The following PCDHGB4 variants were observed in gnomAD, a reference collection of about 807,000 sequenced individuals.
The protein encoded by PCDHGB4 is protocadherin gamma subfamily B, 4.
Under a neutral mutation model 60.5 loss-of-function variants are expected in PCDHGB4, and 38 were observed. The observed-to-expected ratio is 0.63, with a 90% CI of 0.48 to 0.82. PCDHGB4 has a LOEUF of 0.82. Among genes scored for constraint, PCDHGB4 ranks in the 40% least tolerant of loss-of-function variants. The probability of loss-of-function intolerance (pLI) is 0.00; values close to 1 mark genes in which losing one functional copy is unlikely to be tolerated. For missense variants in PCDHGB4, 1,109 were observed against 1,209.6 expected (o/e 0.92, Z 1.23); for synonymous variants, 456 against 509.7 (o/e 0.89, Z 1.42).
At chr5:141,418,583 T>A (rs1242446631) in intron 1 of PCDHGB4, 1 of 1,613,862 alleles carries the variant, frequency 6.2e-7, no homozygotes, top group Non-Finnish European at 8.5e-7. Flanking sequence ...CCCCCCAGTG[T>A]TCAGCCAGGA....
Position 141,491,383 on chromosome 5 carries a change from A to C in PCDHGB4, c.2398-3424A>C. The C allele has an allele frequency of 6.2e-7, 1 of 1,614,036 alleles. No individual in the cohort carries two copies. The highest frequency in any genetic ancestry group is 8.5e-7 in the Non-Finnish European group (1 of 1,179,962). ...AGTCACCTTCACCTTTCTGTCAGCG[A>C]AGTGCCTTCAGGGAAACGCAGACGG... On this transcript the variant is annotated intron_variant, in intron 1 of 3. Transcript: ENST00000519479. This position sits in a 1 kb window ranked among gnomAD's most constrained non-coding sequence, Gnocchi z 6.9.
chr5:141,428,169 G>A (rs758370904), intron 1 of PCDHGB4: 1 of 1,540,076 alleles, frequency 6.5e-7, no homozygotes, highest in Non-Finnish European at 8.9e-7. Flanking sequence ...GTTGCTGTGC[G>A]TGACGGAGGA....
At position 141,432,247 on chromosome 5, in the gene PCDHGB4, C is replaced by G. The variant is rs139910620; in HGVS notation, c.2397+41966C>G. 61 of 1,614,264 alleles carry G rather than the reference C, an allele frequency of 3.8e-5. No homozygotes were observed. The African/African-American group carries it at 6.3e-4, about 17-fold the overall frequency. On this transcript the variant is annotated intron_variant, in intron 1 of 3. Transcript: ENST00000519479. The surrounding 1 kb of genome is among the most constrained non-coding windows in gnomAD (Gnocchi z 6.0). ...CTTATTCCCTGGCTGAGAACACCAT[C>G]CAAGGGGCAAGCCTATCGTCCTACG...
At chr5:141,470,469 A>T (rs1423801455) in intron 1 of PCDHGB4, among the ~76,000 whole-genome samples, 1 of 152,194 alleles carries the variant, frequency 6.6e-6, no homozygotes, top group Non-Finnish European at 1.5e-5. Context: ...ATTTTCTGAT[A>T]TTACTAACCC....
chr5:141,395,111 T>A, intron 1 of PCDHGB4: 1 of 1,613,670 alleles, frequency 6.2e-7, no homozygotes, highest in Non-Finnish European at 8.5e-7. Flanking sequence ...CGCGGAAGAG[T>A]CACCTGATCT....
chr5:141,480,102 T>C (rs568342271), intron 1 of PCDHGB4, among the ~76,000 whole-genome samples: 1 of 152,320 alleles, frequency 6.6e-6, no homozygotes, highest in South Asian at 2.1e-4. Flanking sequence ...GCAAAGTGTT[T>C]AGCATGGTGC....
chr5:141,433,032 C>G, intron 1 of PCDHGB4: 1 of 1,614,188 alleles, frequency 6.2e-7, no homozygotes, highest in Non-Finnish European at 8.5e-7. Context: ...CACGAGGTTT[C>G]CCTCACCACG....
At chr5:141,413,316 T>G (rs769316460) in intron 1 of PCDHGB4, 1 of 1,613,976 alleles carries the variant, frequency 6.2e-7, no homozygotes, top group South Asian at 1.1e-5. Context: ...AGAAAGGCTC[T>G]TTCGTGGGCA....
chr5:141,413,889 T>C (rs1394681178), intron 1 of PCDHGB4: 4 of 1,613,392 alleles, frequency 2.5e-6, no homozygotes, highest in Non-Finnish European at 3.4e-6. Flanking sequence ...CTGTCTTCGA[T>C]GCAAATGACA....
intron 1 of PCDHGB4, among the ~76,000 whole-genome samples, chr5:141,442,736 A>C (rs2098340663): frequency 6.6e-6 from 1 of 152,226 alleles, no homozygotes; most frequent in African/African-American, 2.4e-5. Flanking sequence ...CCTGTAGGTA[A>C]GGAGCATGTT....
intron 1 of PCDHGB4, chr5:141,408,965 C>A: frequency 3.1e-6 from 5 of 1,613,806 alleles, no homozygotes; most frequent in Non-Finnish European, 4.2e-6. Flanking sequence ...TAGTGAAAAT[C>A]TGCCCCCTGG....
intron 1 of PCDHGB4, chr5:141,429,222 T>C (rs897099159): frequency 6.6e-6 from 1 of 151,494 alleles, no homozygotes; most frequent in Non-Finnish European, 1.5e-5. Context: ...AAAGTGGGTA[T>C]TATGATACTG....
chr5:141,419,905 T>G (rs916259620), intron 1 of PCDHGB4: 23 of 1,613,978 alleles, frequency 1.4e-5, no homozygotes, highest in Non-Finnish European at 1.9e-5. Context: ...CCACACCCTC[T>G]GACTCCCAGG....
chr5:141,408,108 A>T, intron 1 of PCDHGB4: 1 of 1,441,874 alleles, frequency 6.9e-7, no homozygotes, highest in Non-Finnish European at 9.1e-7. Flanking sequence ...GAGACCCGGG[A>T]CTCCTCCTGT....
intron 1 of PCDHGB4, chr5:141,422,335 C>T (rs1196951059): frequency 6.5e-7 from 1 of 1,549,804 alleles, no homozygotes; most frequent in Non-Finnish European, 8.7e-7. Flanking sequence ...GATTGCTCTT[C>T]TAAATGTGCA....
chr5:141,387,709 A>G lies in PCDHGB4; in HGVS notation c.-176A>G. On this transcript the variant is annotated 5_prime_UTR_variant, in exon 1 of 4. Transcript: ENST00000519479. ...GCAGCGCGCTTTCCAGGGCAGCCCC[A>G]GCTCAGACTCCCCAGCGCCAGCCTT... 2.0e-6 allele frequency: 2 copies of G among 1,008,632 alleles called. No homozygotes were observed. Among genetic ancestry groups the G allele is most frequent in the Non-Finnish European group, 2.9e-6 (2 of 701,200 alleles). The allele number at this position is 1,008,632 out of a possible 1,614,324, so 62.5% of individuals were successfully genotyped here.
Position 141,431,711 on chromosome 5 carries a change from G to T in PCDHGB4, c.2397+41430G>T. On this transcript the variant is annotated intron_variant, in intron 1 of 3. Coordinates refer to ENST00000519479, the MANE Select transcript of PCDHGB4 (RefSeq NM_003736.4). This position sits in a 1 kb window ranked among gnomAD's most constrained non-coding sequence, Gnocchi z 4.8. ...CGAGGAGTCAGGATTCTACCAGATG[G>T]AAGTGCAAGCAATGGATAATGCAGG... 1 of 1,614,230 alleles carries T rather than the reference G, an allele frequency of 6.2e-7. No homozygotes were observed. The highest frequency in any genetic ancestry group is 1.1e-5 in the South Asian group (1 of 91,092).
chr5:141,401,822 C>T (rs1340105226), intron 1 of PCDHGB4, among the ~76,000 whole-genome samples: 1 of 152,188 alleles, frequency 6.6e-6, no homozygotes, highest in Non-Finnish European at 1.5e-5. Flanking sequence ...TTACAAAGTG[C>T]TGAGATTTCT....
Position 141,487,820 on chromosome 5 carries a change from G to A in PCDHGB4, c.2398-6987G>A, listed in dbSNP as rs1024593393. 8 of 1,293,652 alleles carry A rather than the reference G, an allele frequency of 6.2e-6. No individual in the cohort carries two copies. The highest frequency in any genetic ancestry group is 3.7e-4 in the Middle Eastern group (2 of 5,382). 80.1% of individuals were successfully genotyped at this position (1,293,652 alleles called of 1,614,324 possible). A position where few individuals can be genotyped will look rare whatever the true frequency, so the allele number is the denominator to read the frequency against. On this transcript the variant is annotated intron_variant, in intron 1 of 3. Transcript: ENST00000519479. This position sits in a 1 kb window ranked among gnomAD's most constrained non-coding sequence, Gnocchi z 5.0. ...GTTGTCACAGTTTAGCATTGGGGGC[G>A]GGTCATGCCTATATCTGAGTAAGAA...
Sources: allele counts gnomAD v4.1 joint callset (sites outside exome capture counted in the v4.1 genomes callset), GRCh38; gene constraint gnomAD v4.1.1; non-coding constraint Gnocchi (gnomAD v3.1); transcripts MANE v1.5; gene names NCBI Gene and HGNC (gene_info 2026-07-23, HGNC 2026-07-21).